CFHR5: variants seen among roughly 807,000 people sequenced by gnomAD.
The protein encoded by CFHR5 is complement factor H related 5, also known as complement factor H-related protein 5.
Under a neutral mutation model 62.9 loss-of-function variants are expected in CFHR5, and 73 were observed. That is an observed-to-expected ratio of 1.16 (90% confidence interval 0.96 to 1.41). The LOEUF (loss-of-function observed/expected upper bound fraction) is 1.41. CFHR5 is among the 40% of genes most tolerant of loss of function. CFHR5 has a pLI of 0.00. For missense variants in CFHR5, 779 were observed against 679.9 expected, an observed-to-expected ratio of 1.15 and a Z score of -1.62; for synonymous variants, 249 against 227.2, an observed-to-expected ratio of 1.10 and a Z score of -0.86.
chr1:196,995,683 C>T lies in CFHR5; in HGVS notation c.608-34C>T, dbSNP rs141066019. Reference sequence around the variant, plus strand: ...CCACATTTTTCTATACTTATAAGACCATTTAAGCATTATTTATGGTTTCTT... The same window carrying T: ...CCACATTTTTCTATACTTATAAGACTATTTAAGCATTATTTATGGTTTCTT... On this transcript the variant is annotated intron_variant, in intron 4 of 9. Coordinates refer to ENST00000256785, the MANE Select transcript of CFHR5 (RefSeq NM_030787.4). The T allele has an allele frequency of 3.0e-5, 47 of 1,566,026 alleles. No individual in the cohort carries two copies. The African/African-American group carries it at 5.4e-4, about 18-fold the overall frequency.
chr1:196,975,752 G>A (rs1273327895), upstream of CFHR5, among the ~76,000 whole-genome samples: 1 of 152,168 alleles, frequency 6.6e-6, no homozygotes, highest in Non-Finnish European at 1.5e-5. Flanking sequence ...TTTAAAGCAA[G>A]GCAAGTCAGC....
chr1:196,976,305 C>G (rs76895145), upstream of CFHR5, among the ~76,000 whole-genome samples: 2,043 of 152,212 alleles, frequency 0.013, 36 homozygotes, highest in African/African-American at 0.045. Flanking sequence ...TTAAATTTCT[C>G]TCAGGCTGGG....
At chr1:197,005,628 C>T (rs1039664762) in intron 9 of CFHR5, among the ~76,000 whole-genome samples, 1 of 152,090 alleles carries the variant, frequency 6.6e-6, no homozygotes, top group African/African-American at 2.4e-5. Context: ...TCAGTTTACT[C>T]TATAATAAGT....
intron 3 of CFHR5, among the ~76,000 whole-genome samples, chr1:196,990,030 C>T (rs1653803017): frequency 6.6e-6 from 1 of 152,132 alleles, no homozygotes; most frequent in Non-Finnish European, 1.5e-5. Flanking sequence ...TCTCTAAGGA[C>T]TGGCTTTATT....
intron 7 of CFHR5, among the ~76,000 whole-genome samples, chr1:197,001,615 A>C (rs111579393): frequency 0.13 from 20,243 of 151,938 alleles, 1,687 homozygotes; most frequent in Middle Eastern, 0.22. Context: ...GGTTTGTTAC[A>C]AATGTATACA....
intron 2 of CFHR5, 40 bp downstream of exon 2, chr1:196,983,119 T>C (rs1228312577): frequency 3.7e-6 from 6 of 1,611,176 alleles, no homozygotes; most frequent in African/African-American, 2.7e-5. Flanking sequence ...TGTCATTCAG[T>C]GAATAGAGAA....
At chr1:196,985,560 T>C (rs902668697) in intron 3 of CFHR5, among the ~76,000 whole-genome samples, 1 of 152,208 alleles carries the variant, frequency 6.6e-6, no homozygotes, top group Non-Finnish European at 1.5e-5. Context: ...GTTCAAAATG[T>C]ATAGGCTTCA....
At position 196,998,159 on chromosome 1, in the gene CFHR5, A is replaced by G; in HGVS notation, c.1002A>G (p.Ala334=). The G allele has an allele frequency of 7.0e-6, 11 of 1,572,544 alleles. No individual in the cohort carries two copies. Among genetic ancestry groups the G allele is most frequent in the Non-Finnish European group, 9.5e-6 (11 of 1,156,164 alleles). ...ACCAACTTAAGAGGTGCAAAATAGC[A>G]GGAGTTAATATAAAAACATTACTCA... ...ATHQLKRCKI[A]GVNIKTLLKL... The change falls in exon 7 of 10, where the codon GCA becomes GCG. Residue 334 remains alanine (A), a synonymous_variant. Transcript: ENST00000256785.
At chr1:196,990,204 T>A (rs1340261210) in intron 3 of CFHR5, among the ~76,000 whole-genome samples, 1 of 152,162 alleles carries the variant, frequency 6.6e-6, no homozygotes, top group Non-Finnish European at 1.5e-5. Context: ...TGCTTTTTTT[T>A]TTCCTTTCCA....
At chr1:197,004,592 C>T (rs778860661) in intron 8 of CFHR5, 69 bp from the exon 9 acceptor site, 65 of 1,175,402 alleles carry the variant, frequency 5.5e-5, no homozygotes, top group Middle Eastern at 4.1e-4. Flanking sequence ...AGATATGATA[C>T]ATGATGCTTC....
At chr1:196,998,063 T>C in intron 6 of CFHR5, 65 bp from the exon 7 acceptor site, 1 of 989,658 alleles carries the variant, frequency 1.0e-6, no homozygotes, top group Non-Finnish European at 1.5e-6. Flanking sequence ...ATAATTATGC[T>C]ATTAATATTG....
At chr1:196,979,256 CTGTGTGTGTGTGTG>C (rs57862148) in intron 1 of CFHR5, among the ~76,000 whole-genome samples, 5 of 148,462 alleles carry the variant, frequency 3.4e-5, no homozygotes, top group South Asian at 2.2e-4. Context: ...AGGTAATTGT[CTGTGTGTGTGTGTG>C]TGTGTGTGTG....
intron 3 of CFHR5, among the ~76,000 whole-genome samples, chr1:196,984,576 AG>A (rs1451364321): frequency 1.3e-5 from 2 of 152,138 alleles, no homozygotes; most frequent in African/African-American, 2.4e-5. Flanking sequence ...TACTTCTGAG[AG>A]GTATGTGTAT....
chr1:197,008,940 G>A lies in CFHR5; in HGVS notation c.*257G>A. The A allele has an allele frequency of 2.8e-6, 1 of 363,442 alleles. No individual in the cohort carries two copies. 22.5% of individuals were successfully genotyped at this position (363,442 alleles called of 1,614,324 possible). On this transcript the variant is annotated 3_prime_UTR_variant, in exon 10 of 10. Coordinates refer to ENST00000256785, the MANE Select transcript of CFHR5 (RefSeq NM_030787.4). ...CAGACTGGATAACTTCTAACCAATAGTTTATTTGTTTCATAAATCTAAAAG... is the reference window on the plus strand; with the variant it reads ...CAGACTGGATAACTTCTAACCAATAATTTATTTGTTTCATAAATCTAAAAG...
rs761903714 is a variant in CFHR5, at chr1:196,996,142, T to C, written c.911T>C (p.Ile304Thr). ...EVNCRNEYAM[I>T]GNNMITCING... ...AATTGCAGAAATGAATATGCAATGA[T>C]TGGAAATAACATGATTACCTGTATT... is the stretch of plus-strand genomic sequence containing the variant. Residue 304 changes from isoleucine (I) to threonine (T), a missense_variant, in exon 6 of 10, where the codon ATT becomes ACT. Physicochemically the swap from Ile to Thr is moderately conservative, Grantham distance 89. Transcript: ENST00000256785. 6 of 1,613,384 alleles carry C rather than the reference T, an allele frequency of 3.7e-6. No homozygotes were observed. Among genetic ancestry groups the C allele is most frequent in the Admixed American group, 3.3e-5 (2 of 60,000 alleles).
chr1:197,002,767 T>C, intron 8 of CFHR5, 103 bp downstream of exon 8: 1 of 960,236 alleles, frequency 1.0e-6, no homozygotes, highest in Non-Finnish European at 1.6e-6. Flanking sequence ...TCTGTTGCAC[T>C]GTACCCCAAA....
intron 9 of CFHR5, among the ~76,000 whole-genome samples, 191 bp downstream of exon 9, chr1:197,005,034 A>G (rs910116071): frequency 5.3e-5 from 8 of 152,198 alleles, no homozygotes; most frequent in Admixed American, 1.3e-4. Context: ...TTTAAAAACT[A>G]TAAATAAAAT....
At position 196,983,062 on chromosome 1, in the gene CFHR5, C is replaced by A; in HGVS notation, c.236C>A (p.Pro79Gln). The A allele has an allele frequency of 1.2e-6, 2 of 1,613,964 alleles. No homozygotes were observed. The highest frequency in any genetic ancestry group is 1.7e-6 in the Non-Finnish European group (2 of 1,180,002). The part of the protein sequence containing the change: ...RITCTEEGWS[P>Q]TPKCLRMCSF... ...ACATGCACAGAAGAAGGATGGTCAC[C>A]AACACCGAAGTGTCTCAGTGAGTAA... Residue 79 changes from proline (P) to glutamine (Q), a missense_variant, in exon 2 of 10, where the codon CCA becomes CAA. Physicochemically the swap from Pro to Gln is moderately conservative, Grantham distance 76 (BLOSUM62 -1). Transcript: ENST00000256785.
chr1:197,007,685 AGTAT>A (rs1483777012), intron 9 of CFHR5, among the ~76,000 whole-genome samples: 1 of 147,844 alleles, frequency 6.8e-6, no homozygotes, highest in Non-Finnish European at 1.5e-5. Context: ...AATATACATA[AGTAT>A]GTATGTATAA....
Sources: gnomAD v4.1 joint callset for allele counts (sites outside exome capture counted in the v4.1 genomes callset) on GRCh38, gnomAD v4.1.1 for gene constraint, MANE v1.5 for transcripts, NCBI Gene and HGNC (gene_info 2026-07-23, HGNC 2026-07-21) for gene names.